WNT2: variants seen among roughly 807,000 people sequenced by gnomAD.
The protein encoded by WNT2 is Wnt family member 2.
Under a neutral mutation model 36.9 loss-of-function variants are expected in WNT2, and 12 were observed. That is an observed-to-expected ratio of 0.33 (90% CI 0.21 to 0.53). The LOEUF (loss-of-function observed/expected upper bound fraction) is 0.53, where lower values mean the gene tolerates loss of function less well. Among genes scored for constraint, WNT2 ranks in the 20% least tolerant of loss-of-function variants. The pLI is 0.95. For synonymous variants in WNT2, 163 were observed against 174.6 expected (o/e 0.93, Z 0.52); for missense variants, 379 against 473.1 (o/e 0.80, Z 1.84).
At chr7:117,312,872 T>C (rs781098663) in intron 3 of WNT2, among the ~76,000 whole-genome samples, 1 of 152,226 alleles carries the variant, frequency 6.6e-6, no homozygotes, top group Non-Finnish European at 1.5e-5. Flanking sequence ...AGTGATGAAT[T>C]CTGACTTTTA....
At chr7:117,319,523 G>C (rs1795284319) in intron 2 of WNT2, among the ~76,000 whole-genome samples, 1 of 58,736 alleles carries the variant, frequency 1.7e-5, no homozygotes, top group South Asian at 4.7e-4. Flanking sequence ...CTTAGGAATT[G>C]GGGGGGGGGG....
chr7:117,316,329 T>C (rs1795216930), intron 2 of WNT2, among the ~76,000 whole-genome samples: 1 of 152,212 alleles, frequency 6.6e-6, no homozygotes, highest in Non-Finnish European at 1.5e-5. Flanking sequence ...TATAAGGCTC[T>C]TTAGGGTCCG....
At position 117,322,536 on chromosome 7, in the gene WNT2, T is replaced by TACACACACACAC. The variant is rs144898264; in HGVS notation, c.83+359_83+370dup. 0.027 allele frequency among the ~76,000 whole-genome samples: 3,475 copies of TACACACACACAC among 127,904 alleles called. 67 individuals carry two copies. The highest frequency in any genetic ancestry group is 0.035 in the Middle Eastern group (9 of 258). The allele number at this position is 127,904 out of a possible 152,430, so 83.9% of individuals were successfully genotyped here. On this transcript the variant is annotated intron_variant, in intron 1 of 4. Transcript: ENST00000265441. This position sits in a 1 kb window ranked among gnomAD's most constrained non-coding sequence, Gnocchi z 5.4. ...GCGGTTGTAGTTTTCAAGGTGAATT[T>TACACACACACAC]ACACACACACACACACACACACACA...
intron 3 of WNT2, among the ~76,000 whole-genome samples, chr7:117,308,354 G>A (rs888512952): frequency 2.6e-5 from 4 of 152,116 alleles, no homozygotes; most frequent in Admixed American, 1.3e-4. Flanking sequence ...GAACATTACC[G>A]TTGACTAACC....
chr7:117,297,230 T>G (rs1293700747), intron 4 of WNT2, among the ~76,000 whole-genome samples: 1 of 152,170 alleles, frequency 6.6e-6, no homozygotes, highest in East Asian at 1.9e-4. Context: ...CTGTGCAGTT[T>G]CTTTTCTTTT....
In WNT2 at chr7:117,286,440, T is replaced by C. The variant is rs189395884; in HGVS notation, c.854-8056A>G. ...CTCTCTCCCCGCCCTTCTCTCCCTA[T>C]TCTCTCTCTGTCTCTATCTCTCCCT... On this transcript the variant is annotated intron_variant, in intron 4 of 4. Coordinates refer to ENST00000265441, the MANE Select transcript of WNT2 (RefSeq NM_003391.3). 6.6e-3 allele frequency among the ~76,000 whole-genome samples: 1,002 copies of C among 151,340 alleles called. 13 individuals carry two copies. Among genetic ancestry groups the C allele is most frequent in the African/African-American group, 0.023 (939 of 41,306 alleles).
chr7:117,296,244 A>T (rs1794787552), intron 4 of WNT2, among the ~76,000 whole-genome samples: 1 of 152,226 alleles, frequency 6.6e-6, no homozygotes, highest in Non-Finnish European at 1.5e-5. Flanking sequence ...CATGTCAGGA[A>T]TGCAGCGGGG....
intron 3 of WNT2, among the ~76,000 whole-genome samples, chr7:117,299,992 A>G (rs1794872082): frequency 6.6e-6 from 1 of 152,122 alleles, no homozygotes; most frequent in Non-Finnish European, 1.5e-5. Flanking sequence ...GTTTTTGTTC[A>G]GATGTTGGGC....
chr7:117,293,114 A>G (rs1794722448), intron 4 of WNT2, among the ~76,000 whole-genome samples: 2 of 152,176 alleles, frequency 1.3e-5, no homozygotes, highest in Non-Finnish European at 2.9e-5. Flanking sequence ...AATAAAAAAA[A>G]AATTAAAATG....
intron 4 of WNT2, among the ~76,000 whole-genome samples, chr7:117,295,907 C>T (rs1794780400): frequency 6.6e-6 from 1 of 152,084 alleles, no homozygotes; most frequent in African/African-American, 2.4e-5. Flanking sequence ...GGAGCCACCT[C>T]TTATTCAATT....
At position 117,315,196 on chromosome 7, in the gene WNT2, C is replaced by A; in HGVS notation, c.463G>T (p.Gly155Cys). 6.2e-7 allele frequency: 1 copy of A among 1,614,124 alleles called. No homozygotes were observed. The highest frequency in any genetic ancestry group is 8.5e-7 in the Non-Finnish European group (1 of 1,180,014). ...AKDSKGIFDW[G>C]GCSDNIDYGI... is the part of the protein sequence containing the mutation. Reference sequence around the variant, plus strand: ...TAGTCAATGTTATCACTGCAGCCACCCCAATCAAAAATGCCTTTGCTGTCC... The same window carrying A: ...TAGTCAATGTTATCACTGCAGCCACACCAATCAAAAATGCCTTTGCTGTCC... Residue 155 changes from glycine to cysteine, a missense_variant, in exon 3 of 5, where the codon GGT becomes TGT. Transcript: ENST00000265441.
intron 3 of WNT2, among the ~76,000 whole-genome samples, chr7:117,314,288 GTGGGTCTGAACATTGGCATTGAA>G (rs2116385417): frequency 6.6e-6 from 1 of 152,332 alleles, no homozygotes; most frequent in East Asian, 1.9e-4. Context: ...TGGGTCATCA[GTGGGTCTGAACATTGGCATTGAA>G]ATGGTTTAAT....
intron 1 of WNT2, 119 bp from the exon 2 acceptor site, chr7:117,320,912 G>T: frequency 2.3e-6 from 2 of 883,006 alleles, no homozygotes; most frequent in South Asian, 1.6e-5. Flanking sequence ...TTATCCTTCT[G>T]GTGATATTAG....
At chr7:117,283,114 G>T (rs1424933605) in intron 4 of WNT2, among the ~76,000 whole-genome samples, 2 of 152,184 alleles carry the variant, frequency 1.3e-5, no homozygotes, top group Admixed American at 1.3e-4. Flanking sequence ...AGTTTGCTGT[G>T]ACTGTGGGGC....
At chr7:117,301,457 A>G (rs1356581822) in intron 3 of WNT2, among the ~76,000 whole-genome samples, 1 of 152,244 alleles carries the variant, frequency 6.6e-6, no homozygotes, top group Non-Finnish European at 1.5e-5. Context: ...AGTTTAGAGC[A>G]ACTCCAGTAT....
intron 4 of WNT2, among the ~76,000 whole-genome samples, 165 bp downstream of exon 4, chr7:117,297,447 G>C (rs902851920): frequency 6.6e-6 from 1 of 152,116 alleles, no homozygotes; most frequent in Non-Finnish European, 1.5e-5. Context: ...TGGGATTACA[G>C]GCATGAGCCA....
chr7:117,310,240 C>T (rs1373116959), intron 3 of WNT2, among the ~76,000 whole-genome samples: 1 of 152,132 alleles, frequency 6.6e-6, no homozygotes, highest in Non-Finnish European at 1.5e-5. Flanking sequence ...CTTGCCTTCC[C>T]AGTGGCAGCC....
intron 4 of WNT2, among the ~76,000 whole-genome samples, chr7:117,295,881 T>C (rs969176937): frequency 2.6e-5 from 4 of 152,212 alleles, no homozygotes; most frequent in African/African-American, 9.7e-5. Flanking sequence ...GGTTCTTGGT[T>C]GGTGTTGATC....
intron 3 of WNT2, among the ~76,000 whole-genome samples, chr7:117,302,226 A>G (rs1167568268): frequency 6.6e-6 from 1 of 152,220 alleles, no homozygotes; most frequent in African/African-American, 2.4e-5. Flanking sequence ...ACTAATCATT[A>G]AAAATTTATT....
Sources: gnomAD v4.1 joint callset for allele counts (sites outside exome capture counted in the v4.1 genomes callset) on GRCh38, gnomAD v4.1.1 for gene constraint, Gnocchi (gnomAD v3.1) non-coding constraint, MANE v1.5 for transcripts, NCBI Gene and HGNC (gene_info 2026-07-23, HGNC 2026-07-21) for gene names.